The following LIN7A variants were observed in gnomAD, a reference collection of about 807,000 sequenced individuals.
LIN7A encodes lin-7 cell polarity scaffold A.
Under a neutral mutation model 29.8 loss-of-function variants are expected in LIN7A, and 25 were observed. The observed-to-expected ratio is 0.84, with a 90% CI of 0.61 to 1.17. LIN7A has a LOEUF of 1.17. LIN7A is among the 50% of genes most tolerant of loss of function. The pLI is 0.00. For synonymous variants in LIN7A, 118 were observed against 107.5 expected (o/e 1.10, Z -0.60); for missense variants, 239 against 287.0 (o/e 0.83, Z 1.21).
At chr12:80,916,668 A>G (rs1252387059) in intron 1 of LIN7A, among the ~76,000 whole-genome samples, 1 of 152,210 alleles carries the variant, frequency 6.6e-6, no homozygotes, top group African/African-American at 2.4e-5. Flanking sequence ...TTGTTGAGTG[A>G]TAAGTGAATG....
At chr12:80,915,148 C>A (rs1243495073) in intron 1 of LIN7A, among the ~76,000 whole-genome samples, 15 of 120,866 alleles carry the variant, frequency 1.2e-4, no homozygotes, top group Non-Finnish European at 2.0e-4. Flanking sequence ...CTTAAATCAA[C>A]AAGCAAAAAA....
intron 4 of LIN7A, among the ~76,000 whole-genome samples, chr12:80,816,916 C>CTGCCACCA (rs1278649983): frequency 2.6e-5 from 4 of 152,280 alleles, no homozygotes; most frequent in Admixed American, 2.6e-4. Context: ...CTATAGGTGC[C>CTGCCACCA]TGCCACCATG....
intron 1 of LIN7A, among the ~76,000 whole-genome samples, chr12:80,908,586 C>A (rs939380201): frequency 2.0e-5 from 3 of 152,010 alleles, no homozygotes; most frequent in Admixed American, 1.3e-4. Context: ...GCAAGAAGAG[C>A]CATTTCTATA....
chr12:80,934,767 G>T (rs1166932959), intron 1 of LIN7A, among the ~76,000 whole-genome samples: 2 of 152,086 alleles, frequency 1.3e-5, no homozygotes, highest in African/African-American at 2.4e-5. Flanking sequence ...TTTGTAAAAT[G>T]AAGATACCAA....
At chr12:80,924,917 C>T (rs1190753201) in intron 1 of LIN7A, among the ~76,000 whole-genome samples, 1 of 152,154 alleles carries the variant, frequency 6.6e-6, no homozygotes, top group African/African-American at 2.4e-5. Context: ...TTTTGTCTGT[C>T]CATTTCCACT....
intron 5 of LIN7A, among the ~76,000 whole-genome samples, chr12:80,808,993 T>C (rs1029900914): frequency 1.3e-4 from 16 of 123,934 alleles, no homozygotes; most frequent in African/African-American, 5.1e-4. Context: ...TTTTTTTTTG[T>C]GGTTTTTTTG....
chr12:80,882,017 C>G (rs1176579979), intron 2 of LIN7A, among the ~76,000 whole-genome samples: 5 of 152,100 alleles, frequency 3.3e-5, no homozygotes, highest in Non-Finnish European at 7.3e-5. Context: ...AACAAGGTAT[C>G]CAGATCTCTT....
intron 2 of LIN7A, among the ~76,000 whole-genome samples, chr12:80,886,097 A>G (rs1241004405): frequency 6.6e-6 from 1 of 152,112 alleles, no homozygotes; most frequent in Non-Finnish European, 1.5e-5. Context: ...GCATGACAAC[A>G]TTAATAACTT....
At chr12:80,901,417 G>T (rs896484046) in intron 1 of LIN7A, among the ~76,000 whole-genome samples, 1 of 151,972 alleles carries the variant, frequency 6.6e-6, no homozygotes, top group African/African-American at 2.4e-5. Flanking sequence ...ATTATTGCTG[G>T]CATGTTAAAA....
intron 2 of LIN7A, among the ~76,000 whole-genome samples, chr12:80,876,084 G>GAAAGAGAGAA (rs1555226197): frequency 1.3e-5 from 2 of 148,670 alleles, no homozygotes; most frequent in Non-Finnish European, 3.0e-5. Flanking sequence ...CACACACAGA[G>GAAAGAGAGAA]AGAGAGAAAG....
At chr12:80,814,544 T>C (rs1871442143) in intron 4 of LIN7A, among the ~76,000 whole-genome samples, 2 of 152,160 alleles carry the variant, frequency 1.3e-5, no homozygotes, top group African/African-American at 4.8e-5. Context: ...AGGCCCATTA[T>C]CTCTGTTTTG....
chr12:80,830,710 T>G (rs1430035821), intron 4 of LIN7A, among the ~76,000 whole-genome samples: 1 of 152,202 alleles, frequency 6.6e-6, no homozygotes, highest in Non-Finnish European at 1.5e-5. Context: ...CCTTCTCCCC[T>G]CTACTCCAAT....
chr12:80,856,082 G>A (rs1328005462), intron 2 of LIN7A, among the ~76,000 whole-genome samples: 1 of 151,970 alleles, frequency 6.6e-6, no homozygotes, highest in Non-Finnish European at 1.5e-5. Flanking sequence ...ACTGCCTGCG[G>A]CCAGCCATTT....
intron 2 of LIN7A, among the ~76,000 whole-genome samples, chr12:80,886,273 A>G (rs565821326): frequency 2.0e-5 from 3 of 151,950 alleles, no homozygotes; most frequent in Non-Finnish European, 4.4e-5. Flanking sequence ...TAGGCTCACT[A>G]TAATGCAACT....
At chr12:80,810,611 A>G (rs1871240715) in intron 5 of LIN7A, among the ~76,000 whole-genome samples, 1 of 152,172 alleles carries the variant, frequency 6.6e-6, no homozygotes, top group Non-Finnish European at 1.5e-5. Flanking sequence ...ATCTCCCCAG[A>G]AGCAGAATTG....
intron 1 of LIN7A, among the ~76,000 whole-genome samples, chr12:80,894,068 G>A (rs1163643292): frequency 1.3e-5 from 2 of 152,158 alleles, no homozygotes; most frequent in African/African-American, 4.8e-5. Context: ...TCAGAAACCT[G>A]CAAGGCTAGG....
At chr12:80,931,622 G>T (rs1877910627) in intron 1 of LIN7A, among the ~76,000 whole-genome samples, 1 of 147,944 alleles carries the variant, frequency 6.8e-6, no homozygotes, top group Non-Finnish European at 1.5e-5. Context: ...TGGGCAACAG[G>T]GCAAGACTCT....
chr12:80,805,526 C>T (rs1214446245), intron 5 of LIN7A, among the ~76,000 whole-genome samples: 2 of 152,072 alleles, frequency 1.3e-5, no homozygotes, highest in Admixed American at 6.6e-5. Flanking sequence ...TAGATCTAGC[C>T]ATGGAGGTCA....
At chr12:80,806,938 A>G (rs1187755889) in intron 5 of LIN7A, among the ~76,000 whole-genome samples, 2 of 152,210 alleles carry the variant, frequency 1.3e-5, no homozygotes, top group Non-Finnish European at 2.9e-5. Context: ...TACAAATTTC[A>G]TGTTCACTTA....
Sources: allele counts gnomAD v4.1 joint callset (sites outside exome capture counted in the v4.1 genomes callset), GRCh38; gene constraint gnomAD v4.1.1; transcripts MANE v1.5; gene names NCBI Gene and HGNC (gene_info 2026-07-23, HGNC 2026-07-21).